Variants in CADM2 observed in about 807,000 individuals in gnomAD.
The protein encoded by CADM2 is cell adhesion molecule 2, also known as immunoglobulin superfamily member 4D.
Under a neutral mutation model 49.8 loss-of-function variants are expected in CADM2, and 12 were observed. That is an observed-to-expected ratio of 0.24 (90% CI 0.15 to 0.39). The LOEUF (loss-of-function observed/expected upper bound fraction) is 0.39, where lower values mean the gene tolerates loss of function less well. Ranked by LOEUF, CADM2 falls within the 10% of genes least tolerant of loss-of-function variation. CADM2 has a pLI of 1.00. For missense variants in CADM2, 378 were observed against 492.3 expected (o/e 0.77, Z 2.20); for synonymous variants, 214 against 175.4 (o/e 1.22, Z -1.74).
At chr3:85,066,156 A>T (rs1234767703) in intron 1 of CADM2, among the ~76,000 whole-genome samples, 1 of 152,154 alleles carries the variant, frequency 6.6e-6, no homozygotes, top group Non-Finnish European at 1.5e-5. Flanking sequence ...GTAAATTCAG[A>T]AGAGGGTGCC....
intron 1 of CADM2, among the ~76,000 whole-genome samples, chr3:85,314,274 T>C (rs1219875528): frequency 6.6e-6 from 1 of 152,188 alleles, no homozygotes; most frequent in Non-Finnish European, 1.5e-5. Flanking sequence ...ATTATATATG[T>C]ATTTTTATTA....
At chr3:85,752,819 G>A (rs1214250209) in intron 2 of CADM2, among the ~76,000 whole-genome samples, 1 of 151,980 alleles carries the variant, frequency 6.6e-6, no homozygotes, top group Non-Finnish European at 1.5e-5. Context: ...ATAGTTTTCA[G>A]ATGAATTTAA....
At chr3:85,381,732 A>C (rs1375497925) in intron 1 of CADM2, among the ~76,000 whole-genome samples, 1 of 152,024 alleles carries the variant, frequency 6.6e-6, no homozygotes, top group Non-Finnish European at 1.5e-5. Context: ...TTCAGCTGTC[A>C]TCTTAACTTT....
chr3:85,688,210 G>A (rs1330103351), intron 1 of CADM2, among the ~76,000 whole-genome samples: 2 of 152,090 alleles, frequency 1.3e-5, no homozygotes, highest in East Asian at 1.9e-4. Context: ...ATGGACTGCA[G>A]GGATGAGATA....
chr3:85,665,521 G>C (rs942993976), intron 1 of CADM2, among the ~76,000 whole-genome samples: 1 of 151,872 alleles, frequency 6.6e-6, no homozygotes, highest in Non-Finnish European at 1.5e-5. Context: ...AGTTAAAGTG[G>C]ATGGCAGAAA....
chr3:85,578,579 C>T (rs1376856234), intron 1 of CADM2, among the ~76,000 whole-genome samples: 4 of 152,196 alleles, frequency 2.6e-5, no homozygotes, highest in Non-Finnish European at 5.9e-5. Context: ...ATAATTTATT[C>T]GTCAGCATCA....
intron 8 of CADM2, among the ~76,000 whole-genome samples, chr3:86,055,033 C>T (rs1737756775): frequency 6.6e-6 from 1 of 152,050 alleles, no homozygotes; most frequent in Non-Finnish European, 1.5e-5. Context: ...GAATAAAAAG[C>T]AGCAATTTAT....
chr3:85,715,230 A>G (rs1336812314), intron 1 of CADM2, among the ~76,000 whole-genome samples: 1 of 152,200 alleles, frequency 6.6e-6, no homozygotes, highest in Admixed American at 6.5e-5. Flanking sequence ...TGTTAATTCT[A>G]CATGACAGTC....
chr3:85,795,250 C>A (rs1468023409), intron 2 of CADM2, among the ~76,000 whole-genome samples: 1 of 152,034 alleles, frequency 6.6e-6, no homozygotes, highest in Non-Finnish European at 1.5e-5. Flanking sequence ...AGACCTTGAA[C>A]CATGAAGAGT....
intron 8 of CADM2, among the ~76,000 whole-genome samples, chr3:86,042,239 T>C (rs1040555797): frequency 2.0e-5 from 3 of 151,904 alleles, no homozygotes; most frequent in African/African-American, 7.3e-5. Flanking sequence ...AGAGCAGAAC[T>C]GAAGGAAATA....
intron 1 of CADM2, among the ~76,000 whole-genome samples, chr3:85,430,010 G>A (rs1421870660): frequency 6.6e-6 from 1 of 152,100 alleles, no homozygotes; most frequent in Admixed American, 6.6e-5. Context: ...GTAAATAACG[G>A]GATTAGATGG....
intron 2 of CADM2, among the ~76,000 whole-genome samples, chr3:85,790,787 C>T (rs1334969823): frequency 1.3e-5 from 2 of 152,162 alleles, no homozygotes; most frequent in Non-Finnish European, 2.9e-5. Context: ...AGCTGCCAGC[C>T]AGCTTTGTTT....
intron 1 of CADM2, among the ~76,000 whole-genome samples, chr3:85,521,363 GCTAA>G (rs1432897722): frequency 8.6e-5 from 13 of 152,034 alleles, no homozygotes; most frequent in African/African-American, 2.9e-4. Flanking sequence ...ATAGATCTAA[GCTAA>G]CTATGTTTTT....
chr3:85,947,350 A>G lies in CADM2; in HGVS notation c.791+11493A>G, dbSNP rs191548076. Among the ~76,000 whole-genome samples, 507 of 151,554 alleles carry G rather than the reference A, an allele frequency of 3.3e-3. 2 individuals carry two copies. Among genetic ancestry groups the G allele is most frequent in the African/African-American group, 0.012 (481 of 41,428 alleles). On this transcript the variant is annotated intron_variant, in intron 7 of 9. Coordinates refer to ENST00000383699, the MANE Select transcript of CADM2 (RefSeq NM_001167675.2). ...ATTCTTATACCAGCAGTACTTCGAT[A>G]ATAAAGGATACAGAGCATTTAGATT...
intron 5 of CADM2, among the ~76,000 whole-genome samples, chr3:85,910,765 C>G (rs1182062831): frequency 6.6e-6 from 1 of 151,860 alleles, no homozygotes; most frequent in Non-Finnish European, 1.5e-5. Context: ...GTCATTTTCC[C>G]CTAATATGTG....
At chr3:85,740,984 TTC>T (rs1307243232) in intron 2 of CADM2, among the ~76,000 whole-genome samples, 1 of 152,174 alleles carries the variant, frequency 6.6e-6, no homozygotes, top group Non-Finnish European at 1.5e-5. Context: ...AGGACAACAA[TTC>T]TCTTTCTTTC....
intron 1 of CADM2, among the ~76,000 whole-genome samples, chr3:85,360,295 CA>C (rs1308501479): frequency 6.6e-6 from 1 of 151,920 alleles, no homozygotes; most frequent in Non-Finnish European, 1.5e-5. Context: ...GCTAATAACA[CA>C]AAAATATAAA....
chr3:86,041,644 C>T (rs1315710962), intron 8 of CADM2, among the ~76,000 whole-genome samples: 2 of 152,160 alleles, frequency 1.3e-5, no homozygotes, highest in Non-Finnish European at 2.9e-5. Context: ...GAGACTTTAA[C>T]ACCCCACTGT....
intron 1 of CADM2, among the ~76,000 whole-genome samples, chr3:85,537,491 TG>T (rs2061447804): frequency 4.2e-5 from 1 of 24,078 alleles, no homozygotes; most frequent in Non-Finnish European, 1.9e-4. Context: ...CATGCATGGT[TG>T]TTTGTGTGTG....
Sources: allele counts gnomAD v4.1 joint callset (sites outside exome capture counted in the v4.1 genomes callset), GRCh38; gene constraint gnomAD v4.1.1; transcripts MANE v1.5; gene names NCBI Gene and HGNC (gene_info 2026-07-23, HGNC 2026-07-21).